ENPP1: variants seen among roughly 807,000 people sequenced by gnomAD.
ENPP1 encodes ectonucleotide pyrophosphatase/phosphodiesterase family member 1.
Under a neutral mutation model 122.8 loss-of-function variants are expected in ENPP1, and 73 were observed. The ratio of observed to expected loss-of-function variants is 0.59; its 90% CI spans 0.49 to 0.72. ENPP1 has a LOEUF of 0.72. ENPP1 is among the 30% of genes least tolerant of loss of function. ENPP1 has a pLI of 0.00. For synonymous variants in ENPP1, 367 were observed against 391.6 expected (o/e 0.94, Z 0.74); for missense variants, 978 against 1,128.1 (o/e 0.87, Z 1.91).
rs1781874175 is a variant in ENPP1 at position 131,851,046 on chromosome 6, C to T, written c.431-96C>T. On this transcript the variant is annotated intron_variant, in intron 3 of 24. Coordinates refer to ENST00000647893, the MANE Select transcript of ENPP1 (RefSeq NM_006208.3). ...AGAGCTGTGAAATTGTTCATTGTTG[C>T]TCATGGATCATACTCAGGAAGACAG... The T allele has an allele frequency of 2.9e-6, 4 of 1,380,570 alleles. No homozygotes were observed. In the South Asian group the frequency reaches 4.7e-5, roughly 16 times the overall value. 85.5% of individuals were successfully genotyped at this position (1,380,570 alleles called of 1,614,324 possible). A position where few individuals can be genotyped will look rare whatever the true frequency, so the allele number is the denominator to read the frequency against.
chr6:131,877,269 G>T (rs1782242545), intron 18 of ENPP1, 108 bp downstream of exon 18: 2 of 1,069,772 alleles, frequency 1.9e-6, no homozygotes, highest in African/African-American at 1.6e-5. Context: ...TAGGAGTGGG[G>T]GTAGGTAAAC....
At chr6:131,884,873 ACAC>A in intron 22 of ENPP1, 55 bp from the exon 23 acceptor site, 2 of 1,580,328 alleles carry the variant, frequency 1.3e-6, no homozygotes, top group Non-Finnish European at 1.7e-6. Context: ...AATTTATTTC[ACAC>A]GTCAACATGG....
In ENPP1 at chr6:131,874,841, T is replaced by TAC. The variant is rs71710516; in HGVS notation, c.1635+520_1635+521dup. Among the ~76,000 whole-genome samples, 399 of 149,224 alleles carry TAC rather than the reference T, an allele frequency of 2.7e-3. 6 individuals carry two copies. The highest frequency in any genetic ancestry group is 0.015 in the Admixed American group (230 of 14,996). On this transcript the variant is annotated intron_variant, in intron 16 of 24. Transcript: ENST00000647893. ...AAAATGTGTGAGATATATATATATA[T>TAC]ACACACACACACACACATACCATGA...
At chr6:131,845,658 C>T (rs1416025410) in intron 1 of ENPP1, among the ~76,000 whole-genome samples, 1 of 151,824 alleles carries the variant, frequency 6.6e-6, no homozygotes, top group African/African-American at 2.4e-5. Context: ...GGGGTTTCAC[C>T]ATGTTGACCA....
In ENPP1 at chr6:131,808,061, GC is replaced by G. The variant is rs1157937852; in HGVS notation, c.27del (p.Ser11AlafsTer77). Reference protein sequence around the residue: MERDGCAGGGSRGGEGGRA... With the variant: MERDGCAGXGSRGGEGGRA... ...ATGGAGCGCGACGGCTGCGCGGGGG[GC>G]GGGAGCCGCGGCGGCGAGGGCGGGC... On this transcript the variant is annotated frameshift_variant, in exon 1 of 25. Transcript: ENST00000647893. LOFTEE classifies it high-confidence loss of function. 1.0e-6 allele frequency: 1 copy of G among 991,438 alleles called. No homozygotes were observed. Among genetic ancestry groups the G allele is most frequent in the Non-Finnish European group, 1.2e-6 (1 of 835,040 alleles). The allele number at this position is 991,438 out of a possible 1,614,324, so 61.4% of individuals were successfully genotyped here.
At chr6:131,864,768 G>GTTATAAAATCA (rs2114706821) in intron 10 of ENPP1, 98 bp from the exon 11 acceptor site, 1 of 888,718 alleles carries the variant, frequency 1.1e-6, no homozygotes, top group African/African-American at 1.6e-5. Context: ...TTACACCAGT[G>GTTATAAAATCA]TTATAAAATT....
chr6:131,855,160 G>A lies in ENPP1; in HGVS notation c.715+137G>A, dbSNP rs1178778508. 13 of 715,504 alleles carry A rather than the reference G, an allele frequency of 1.8e-5. No individual in the cohort carries two copies. In the Admixed American group the frequency reaches 2.7e-4, roughly 15 times the overall value. 44.3% of individuals were successfully genotyped at this position (715,504 alleles called of 1,614,324 possible). A position where few individuals can be genotyped will look rare whatever the true frequency, so the allele number is the denominator to read the frequency against. On this transcript the variant is annotated intron_variant, in intron 6 of 24. Coordinates refer to ENST00000647893, the MANE Select transcript of ENPP1 (RefSeq NM_006208.3). ...TTCTATGGCAAAGTAGTTGAACCTTGTGTAAGGCGCTTATCTTTAATAGTG... is the reference window on the plus strand; with the variant it reads ...TTCTATGGCAAAGTAGTTGAACCTTATGTAAGGCGCTTATCTTTAATAGTG...
intron 24 of ENPP1, among the ~76,000 whole-genome samples, chr6:131,887,280 C>T (rs925851597): frequency 2.0e-5 from 3 of 151,926 alleles, no homozygotes; most frequent in Non-Finnish European, 4.4e-5. Flanking sequence ...CCTTTCTTAT[C>T]GTATTGTCAT....
intron 15 of ENPP1, 101 bp from the exon 16 acceptor site, chr6:131,874,167 A>G (rs893892439): frequency 4.8e-6 from 4 of 831,308 alleles, no homozygotes; most frequent in Admixed American, 1.8e-5. Flanking sequence ...TGGTTTAACA[A>G]AATAGTTACA....
chr6:131,875,968 C>A, intron 17 of ENPP1, 105 bp downstream of exon 17: 1 of 859,964 alleles, frequency 1.2e-6, no homozygotes, highest in Non-Finnish European at 2.0e-6. Context: ...GATGGTGAGG[C>A]AAGACAGATT....
rs776354825 is a variant in ENPP1, at chr6:131,883,647, A to C, written c.2231-47A>C. On this transcript the variant is annotated intron_variant, in intron 21 of 24. Coordinates refer to ENST00000647893, the MANE Select transcript of ENPP1 (RefSeq NM_006208.3). ...TAACCATGAGAAACTATAATTTCCT[A>C]TGTTATTTGTGAAGAATGAAAAAGT... 1.8e-5 allele frequency: 17 copies of C among 924,960 alleles called. No homozygotes were observed. The East Asian group carries it at 4.1e-4, about 22-fold the overall frequency. The allele number at this position is 924,960 out of a possible 1,614,324, so 57.3% of individuals were successfully genotyped here. A position where few individuals can be genotyped will look rare whatever the true frequency, so the allele number is the denominator to read the frequency against.
intron 11 of ENPP1, among the ~76,000 whole-genome samples, chr6:131,865,776 C>T (rs142843343): frequency 6.6e-6 from 1 of 152,178 alleles, no homozygotes; most frequent in African/African-American, 2.4e-5. Flanking sequence ...GGTGGATCAC[C>T]TGAGGTCAGG....
chr6:131,827,809 T>C, intron 1 of ENPP1: 5 of 1,069,220 alleles, frequency 4.7e-6, no homozygotes, highest in Non-Finnish European at 7.2e-6. Context: ...CAATGACTGC[T>C]TTCTGGAATC....
At chr6:131,808,360 C>T in intron 1 of ENPP1, 85 bp downstream of exon 1, 3 of 1,363,806 alleles carry the variant, frequency 2.2e-6, no homozygotes, top group East Asian at 6.2e-5. Flanking sequence ...TCAGCGCAGT[C>T]AGCACCGGGC....
intron 1 of ENPP1, among the ~76,000 whole-genome samples, chr6:131,817,246 C>T (rs1781426157): frequency 6.6e-6 from 1 of 152,198 alleles, no homozygotes; most frequent in Non-Finnish European, 1.5e-5. Flanking sequence ...AATGTTATAT[C>T]CTATTCATCA....
chr6:131,851,038 C>T lies in ENPP1; in HGVS notation c.431-104C>T, dbSNP rs1781873996. 5.4e-6 allele frequency: 7 copies of T among 1,307,150 alleles called. No individual in the cohort carries two copies. In the East Asian group the frequency reaches 1.4e-4, roughly 26 times the overall value. The allele number at this position is 1,307,150 out of a possible 1,614,324, so 81.0% of individuals were successfully genotyped here. On this transcript the variant is annotated intron_variant, in intron 3 of 24. Transcript: ENST00000647893. ...AGTGACTAAGAGCTGTGAAATTGTTCATTGTTGCTCATGGATCATACTCAG... is the reference window on the plus strand; with the variant it reads ...AGTGACTAAGAGCTGTGAAATTGTTTATTGTTGCTCATGGATCATACTCAG...
In ENPP1 at chr6:131,868,616, A is replaced by T. The variant is rs6915236; in HGVS notation, c.1273+490A>T. Among the ~76,000 whole-genome samples, 967 of 152,004 alleles carry T rather than the reference A, an allele frequency of 6.4e-3. 7 individuals are homozygous for T. The highest frequency in any genetic ancestry group is 0.022 in the African/African-American group (911 of 41,464). ...CACCACACCTGGCTAATTAAAAAAA[A>T]TTTTTTTTGGTAGACATGGGATCTT... is the stretch of plus-strand genomic sequence containing the variant. On this transcript the variant is annotated intron_variant, in intron 12 of 24. Transcript: ENST00000647893.
chr6:131,868,084 A>C lies in ENPP1; in HGVS notation c.1231A>C (p.Asn411His). ...GMLMDGLKEL[N>H]LHRCLNLILI... ...GCTGATGGATGGTCTGAAAGAGCTG[A>C]ACTTGCACAGATGCCTGAACCTCAT... is the stretch of plus-strand genomic sequence containing the variant. The change falls in exon 12 of 25, where the codon AAC becomes CAC. Residue 411 changes from asparagine (N) to histidine (H), a missense_variant. By Grantham distance (68) the Asn-to-His change is moderately conservative (BLOSUM62 1). Coordinates refer to ENST00000647893, the MANE Select transcript of ENPP1 (RefSeq NM_006208.3). The C allele has an allele frequency of 6.2e-7, 1 of 1,613,666 alleles. No homozygotes were observed. The highest frequency in any genetic ancestry group is 8.5e-7 in the Non-Finnish European group (1 of 1,179,722).
intron 12 of ENPP1, 43 bp from the exon 13 acceptor site, chr6:131,869,315 T>C: frequency 1.2e-6 from 2 of 1,606,484 alleles, no homozygotes; most frequent in Non-Finnish European, 8.5e-7. Context: ...TTAAATTTTT[T>C]GTTAAAGTTA....
Sources: allele counts gnomAD v4.1 joint callset (sites outside exome capture counted in the v4.1 genomes callset), GRCh38; gene constraint gnomAD v4.1.1; transcripts MANE v1.5; gene names NCBI Gene and HGNC (gene_info 2026-07-23, HGNC 2026-07-21).